ELAPOR1: variants seen among roughly 807,000 people sequenced by gnomAD.
The protein encoded by ELAPOR1 is endosome/lysosome-associated apoptosis and autophagy regulator 1.
Under a neutral mutation model 119.7 loss-of-function variants are expected in ELAPOR1, and 77 were observed. That is an observed-to-expected ratio of 0.64 (90% confidence interval 0.54 to 0.78). The LOEUF is 0.78. ELAPOR1 is among the 30% of genes least tolerant of loss of function. ELAPOR1 has a pLI of 0.00. For missense variants in ELAPOR1, 1,115 were observed against 1,270.4 expected (o/e 0.88, Z 1.86); for synonymous variants, 481 against 487.2 (o/e 0.99, Z 0.17).
intron 1 of ELAPOR1, among the ~76,000 whole-genome samples, chr1:109,122,583 C>T (rs1448229160): frequency 6.6e-6 from 1 of 151,980 alleles, no homozygotes; most frequent in East Asian, 1.9e-4. Flanking sequence ...TTCACTTGAA[C>T]CCATGAGTTA....
At position 109,197,579 on chromosome 1, in the gene ELAPOR1, A is replaced by G. The variant is rs1557701866; in HGVS notation, c.2227A>G (p.Ile743Val). 1 of 1,614,200 alleles carries G rather than the reference A, an allele frequency of 6.2e-7. No individual in the cohort carries two copies. Among genetic ancestry groups the G allele is most frequent in the Non-Finnish European group, 8.5e-7 (1 of 1,180,034 alleles). The change falls in exon 16 of 22, where the codon ATC becomes GTC. Residue 743 changes from isoleucine (I) to valine (V), a missense_variant. Ile to Val is a conservative substitution (Grantham distance 29). Coordinates refer to ENST00000369939, the MANE Select transcript of ELAPOR1 (RefSeq NM_020775.5). ...CACAGCCTACGTCTGCCAGGCAGTC[A>G]TCATCCCCCCAGAGGTGACAGGCTA... Reference protein sequence around the residue: ...SITAYVCQAVIIPPEVTGYKA... With the variant: ...SITAYVCQAVVIPPEVTGYKA...
Position 109,160,632 on chromosome 1 carries a change from T to C in ELAPOR1, c.154-1262T>C, listed in dbSNP as rs543097397. Among the ~76,000 whole-genome samples, 3 of 152,276 alleles carry C rather than the reference T, an allele frequency of 2.0e-5. No homozygotes were observed. The South Asian group carries it at 6.3e-4, about 32-fold the overall frequency. On this transcript the variant is annotated intron_variant, in intron 1 of 21. Transcript: ENST00000369939. ...AACTTGTATTTTTTGTCTTAGCTCC[T>C]TGACGTTATACATGTTATGCAATCA... is the stretch of plus-strand genomic sequence containing the variant.
Position 109,164,487 on chromosome 1 carries a change from C to A in ELAPOR1, c.275-12C>A. ...CCTCACTGCCCCACCTTGTCTCTGC[C>A]CTGTTTTCCAGCCTTCTCCTGCAAC... On this transcript the variant is annotated splice_polypyrimidine_tract_variant and intron_variant, in intron 2 of 21. Coordinates refer to ENST00000369939, the MANE Select transcript of ELAPOR1 (RefSeq NM_020775.5). 6.2e-7 allele frequency: 1 copy of A among 1,601,712 alleles called. No individual in the cohort carries two copies. Among genetic ancestry groups the A allele is most frequent in the South Asian group, 1.1e-5 (1 of 89,608 alleles).
rs189357762 is a variant in ELAPOR1 at position 109,129,491 on chromosome 1, G to A, written c.153+15155G>A. Among the ~76,000 whole-genome samples the A allele has an allele frequency of 2.2e-3, 338 of 152,294 alleles. 3 individuals are homozygous for A. Among genetic ancestry groups the A allele is most frequent in the South Asian group, 0.013 (62 of 4,822 alleles). The stretch of plus-strand genomic sequence containing the variant: ...GGTGCCATTGCCCTCCAGCCTGGGC[G>A]ACAGAGTGAGACTCCGTCTCAAAAA... On this transcript the variant is annotated intron_variant, in intron 1 of 21. Transcript: ENST00000369939.
intron 1 of ELAPOR1, among the ~76,000 whole-genome samples, chr1:109,116,017 C>G (rs1007318834): frequency 6.6e-6 from 1 of 152,200 alleles, no homozygotes; most frequent in Non-Finnish European, 1.5e-5. Flanking sequence ...AAGAATCATA[C>G]AGTTTAACTA....
At position 109,192,624 on chromosome 1, in the gene ELAPOR1, C is replaced by A; in HGVS notation, c.1697C>A (p.Thr566Asn). ...TTFHEASRKY[T>N]NDVAKIYSIN... ...CCTTGTCTCCAGAGCAGGAAGTACA[C>A]CAATGACGTTGCCAAGATCTACTCC... Residue 566 changes from threonine to asparagine, a missense_variant, in exon 14 of 22, where the codon ACC becomes AAC. Coordinates refer to ENST00000369939, the MANE Select transcript of ELAPOR1 (RefSeq NM_020775.5). 6.2e-7 allele frequency: 1 copy of A among 1,613,992 alleles called. No homozygotes were observed. Among genetic ancestry groups the A allele is most frequent in the Non-Finnish European group, 8.5e-7 (1 of 1,179,962 alleles).
At position 109,188,320 on chromosome 1, in the gene ELAPOR1, G is replaced by A; in HGVS notation, c.1185G>A (p.Gln395=). The A allele has an allele frequency of 6.2e-7, 1 of 1,614,024 alleles. No individual in the cohort carries two copies. Among genetic ancestry groups the A allele is most frequent in the Non-Finnish European group, 8.5e-7 (1 of 1,179,880 alleles). Reference sequence around the variant, plus strand: ...TCAAAACCAACAACAGCACCTGCCAGCCCTGCCCATATGGTTCCTACTCCA... The same window carrying A: ...TCAAAACCAACAACAGCACCTGCCAACCCTGCCCATATGGTTCCTACTCCA... ...GFFKTNNSTC[Q]PCPYGSYSNG... The change falls in exon 9 of 22, where the codon CAG becomes CAA. Residue 395 remains glutamine, a synonymous_variant. Transcript: ENST00000369939.
chr1:109,122,148 C>A (rs893726301), intron 1 of ELAPOR1, among the ~76,000 whole-genome samples: 5 of 150,564 alleles, frequency 3.3e-5, no homozygotes, highest in African/African-American at 1.2e-4. Flanking sequence ...CAGCTCACTG[C>A]AGCCTGTGCC....
intron 1 of ELAPOR1, among the ~76,000 whole-genome samples, chr1:109,124,539 T>C (rs1045658526): frequency 1.3e-5 from 2 of 152,254 alleles, no homozygotes; most frequent in Non-Finnish European, 2.9e-5. Context: ...TGTAAACATT[T>C]GCTCAACTGT....
intron 1 of ELAPOR1, among the ~76,000 whole-genome samples, chr1:109,131,494 A>G (rs1649145819): frequency 6.6e-6 from 1 of 152,020 alleles, no homozygotes; most frequent in African/African-American, 2.4e-5. Context: ...ACGTTCTTAA[A>G]TCTCCATGTT....
chr1:109,194,715 A>T, intron 15 of ELAPOR1, 121 bp downstream of exon 15: 1 of 839,540 alleles, frequency 1.2e-6, no homozygotes, highest in Non-Finnish European at 1.9e-6. Flanking sequence ...AGGAGCTTCA[A>T]AGGTTTTTAC....
intron 4 of ELAPOR1, 105 bp from the exon 5 acceptor site, chr1:109,172,382 TC>T: frequency 2.5e-6 from 2 of 801,136 alleles, no homozygotes; most frequent in Non-Finnish European, 4.1e-6. Context: ...AATTGGCAAC[TC>T]TTCCCATATA....
chr1:109,125,527 G>C (rs917117105), intron 1 of ELAPOR1, among the ~76,000 whole-genome samples: 4 of 151,908 alleles, frequency 2.6e-5, no homozygotes, highest in Admixed American at 6.6e-5. Context: ...CGAGTAACTG[G>C]GACTACAGGC....
chr1:109,128,417 C>A (rs1648933403), intron 1 of ELAPOR1, among the ~76,000 whole-genome samples: 1 of 152,156 alleles, frequency 6.6e-6, no homozygotes, highest in Non-Finnish European at 1.5e-5. Flanking sequence ...TGCTTGAAAT[C>A]AATTACTTTG....
chr1:109,116,680 CTTTT>C (rs71069649), intron 1 of ELAPOR1, among the ~76,000 whole-genome samples: 3 of 96,862 alleles, frequency 3.1e-5, no homozygotes, highest in Non-Finnish European at 4.5e-5. Flanking sequence ...CTTCTCTGTT[CTTTT>C]TTTTTTTTTT....
rs1230281415 is a variant in ELAPOR1, at chr1:109,206,671, G to C, written c.*3659G>C. 1 of 151,828 alleles carries C rather than the reference G, an allele frequency of 6.6e-6. No homozygotes were observed. Among genetic ancestry groups the C allele is most frequent in the Non-Finnish European group, 1.5e-5 (1 of 67,990 alleles). 9.4% of individuals were successfully genotyped at this position (151,828 alleles called of 1,614,324 possible). A position where few individuals can be genotyped will look rare whatever the true frequency, so the allele number is the denominator to read the frequency against. ...TGTGAAATCGAATTTTTTTTCATCAGGGCTGGTTGGATTTCCTTTTTACCC... is the reference window on the plus strand; with the variant it reads ...TGTGAAATCGAATTTTTTTTCATCACGGCTGGTTGGATTTCCTTTTTACCC... On this transcript the variant is annotated 3_prime_UTR_variant, in exon 22 of 22. Transcript: ENST00000369939.
chr1:109,119,200 T>C (rs962632889), intron 1 of ELAPOR1, among the ~76,000 whole-genome samples: 5 of 134,448 alleles, frequency 3.7e-5, no homozygotes, highest in African/African-American at 1.3e-4. Flanking sequence ...CCTGGCCTAA[T>C]TTTTTTTTTT....
In ELAPOR1 at chr1:109,129,557, C is replaced by A. The variant is rs533517810; in HGVS notation, c.153+15221C>A. Among the ~76,000 whole-genome samples, 13 of 152,218 alleles carry A rather than the reference C, an allele frequency of 8.5e-5. No homozygotes were observed. In the South Asian group the frequency reaches 2.1e-3, roughly 24 times the overall value. On this transcript the variant is annotated intron_variant, in intron 1 of 21. Coordinates refer to ENST00000369939, the MANE Select transcript of ELAPOR1 (RefSeq NM_020775.5). ...ACAAAACAAAAACACACGCAAAAAA[C>A]CCAACTTTGATGGAACACACAGCCT...
chr1:109,167,803 T>G (rs1651686085), intron 3 of ELAPOR1, among the ~76,000 whole-genome samples: 1 of 152,120 alleles, frequency 6.6e-6, no homozygotes. Flanking sequence ...AGACACGGTT[T>G]CACTTATGTT....
Sources: allele counts gnomAD v4.1 joint callset (sites outside exome capture counted in the v4.1 genomes callset), GRCh38; gene constraint gnomAD v4.1.1; transcripts MANE v1.5; gene names NCBI Gene and HGNC (gene_info 2026-07-23, HGNC 2026-07-21).